TTC6: variants seen among roughly 807,000 people sequenced by gnomAD.
TTC6 encodes tetratricopeptide repeat domain 6.
TTC6 carries 172 observed loss-of-function variants against 210.4 expected under a neutral mutation model. That is an observed-to-expected ratio of 0.82 (90% CI 0.72 to 0.93). The LOEUF (loss-of-function observed/expected upper bound fraction) is 0.93, where lower values mean the gene tolerates loss of function less well. Among genes scored for constraint, TTC6 ranks in the 40% least tolerant of loss-of-function variants. The probability of loss-of-function intolerance (pLI) is 0.00; values close to 1 mark genes in which losing one functional copy is unlikely to be tolerated. For missense variants in TTC6, 2,414 were observed against 2,318.1 expected (o/e 1.04, Z -0.85); for synonymous variants, 804 against 819.6 (o/e 0.98, Z 0.32).
chr14:37,825,570 A>T (rs2139505756), intron 27 of TTC6, among the ~76,000 whole-genome samples: 1 of 152,104 alleles, frequency 6.6e-6, no homozygotes, highest in South Asian at 2.1e-4. Flanking sequence ...CTTCTCTAGG[A>T]AGCACTCTGA....
At chr14:37,759,560 T>C (rs1464914585) in intron 14 of TTC6, among the ~76,000 whole-genome samples, 2 of 152,146 alleles carry the variant, frequency 1.3e-5, no homozygotes, top group African/African-American at 4.8e-5. Flanking sequence ...TTTCGCTAGA[T>C]TGCGGTTCTC....
At chr14:37,619,016 T>G (rs925750995), upstream of TTC6, among the ~76,000 whole-genome samples, 1 of 152,156 alleles carries the variant, frequency 6.6e-6, no homozygotes, top group African/African-American at 2.4e-5. Flanking sequence ...ATAGTGTTGA[T>G]ATGAACATAT....
At chr14:37,816,738 T>C (rs2096142895) in intron 25 of TTC6, among the ~76,000 whole-genome samples, 1 of 152,152 alleles carries the variant, frequency 6.6e-6, no homozygotes, top group South Asian at 2.1e-4. Context: ...TGATATAATA[T>C]TTTGTTTTGC....
At chr14:37,631,285 AGCTCT>A (rs982985232) in intron 1 of TTC6, among the ~76,000 whole-genome samples, 2 of 151,858 alleles carry the variant, frequency 1.3e-5, no homozygotes, top group African/African-American at 4.8e-5. Context: ...TTCCTTCAGG[AGCTCT>A]AGTAAGGCAG....
At chr14:37,673,845 T>TA (rs2095763364) in intron 1 of TTC6, among the ~76,000 whole-genome samples, 1 of 152,102 alleles carries the variant, frequency 6.6e-6, no homozygotes, top group African/African-American at 2.4e-5. Context: ...TGAAACACAT[T>TA]AAAAAAGTGT....
intron 5 of TTC6, among the ~76,000 whole-genome samples, chr14:37,703,972 G>A (rs738758): frequency 1 from 151,626 of 152,300 alleles, 75,484 homozygotes; most frequent in Middle Eastern, 1. Context: ...ATAGCCTTTC[G>A]GACATCTCTT....
intron 14 of TTC6, among the ~76,000 whole-genome samples, chr14:37,763,680 A>T (rs1013987904): frequency 1.3e-5 from 2 of 151,860 alleles, no homozygotes; most frequent in African/African-American, 4.8e-5. Context: ...TTATTTTCGT[A>T]ATTTGAGTCA....
chr14:37,725,869 T>G (rs1340713865), intron 7 of TTC6, among the ~76,000 whole-genome samples: 1 of 152,196 alleles, frequency 6.6e-6, no homozygotes, highest in African/African-American at 2.4e-5. Context: ...AAACATTTAA[T>G]AATACCCAAA....
intron 8 of TTC6, 116 bp from the exon 11 acceptor site, chr14:37,737,544 C>G (rs1027967573): frequency 1.0e-5 from 5 of 491,892 alleles, no homozygotes; most frequent in Non-Finnish European, 1.7e-5. Flanking sequence ...GTATTTTAAT[C>G]AGTATTTCTG....
chr14:37,769,226 G>A (rs879500269), intron 14 of TTC6, among the ~76,000 whole-genome samples: 54 of 151,774 alleles, frequency 3.6e-4, no homozygotes, highest in Non-Finnish European at 6.3e-4. Context: ...GAGGATTTTT[G>A]CATCAATGTT....
At chr14:37,734,761 C>T (rs961008240) in intron 7 of TTC6, among the ~76,000 whole-genome samples, 2 of 152,044 alleles carry the variant, frequency 1.3e-5, no homozygotes. Context: ...CCTCTCAAGA[C>T]ACCTTAGTTT....
chr14:37,676,334 A>G (rs1466127669), intron 1 of TTC6, among the ~76,000 whole-genome samples: 1 of 151,962 alleles, frequency 6.6e-6, no homozygotes, highest in African/African-American at 2.4e-5. Context: ...GTTTTTTTCT[A>G]CCTTAAAAAC....
At chr14:37,793,290 C>T (rs1257784712) in intron 17 of TTC6, among the ~76,000 whole-genome samples, 1 of 152,198 alleles carries the variant, frequency 6.6e-6, no homozygotes, top group African/African-American at 2.4e-5. Flanking sequence ...TGCCTTTCTA[C>T]CTTTGTCTCC....
At chr14:37,702,116 G>A (rs1438328783) in intron 5 of TTC6, among the ~76,000 whole-genome samples, 1 of 152,148 alleles carries the variant, frequency 6.6e-6, no homozygotes, top group African/African-American at 2.4e-5. Context: ...TATATTCCGA[G>A]CAACTGTGCT....
At chr14:37,692,226 A>AAAAAAAAAAAAAAAAAAAAAAAAAAAAC in intron 3 of TTC6, among the ~76,000 whole-genome samples, 1 of 145,658 alleles carries the variant, frequency 6.9e-6, no homozygotes, top group Non-Finnish European at 1.5e-5. Context: ...AAAAAAAAAA[A>AAAAAAAAAAAAAAAAAAAAAAAAAAAAC]AAAAAAGAAA....
chr14:37,647,611 G>A lies in TTC6; in HGVS notation c.939+24608G>A, dbSNP rs115220148. On this transcript the variant is annotated intron_variant, in intron 1 of 30. Transcript: ENST00000553443. ...TGATTTTAGACATGTTAAGTTTGAG[G>A]TGCCTAATATACTTCCAAGTGGAGA... Among the ~76,000 whole-genome samples, 914 of 152,260 alleles carry A rather than the reference G, an allele frequency of 6.0e-3. 5 individuals are homozygous for A. The highest frequency in any genetic ancestry group is 0.016 in the African/African-American group (666 of 41,534).
chr14:37,831,013 C>T (rs1315560329), intron 29 of TTC6, among the ~76,000 whole-genome samples: 2 of 152,058 alleles, frequency 1.3e-5, no homozygotes, highest in Non-Finnish European at 2.9e-5. Flanking sequence ...CTATCAAATA[C>T]TAGAACTTAT....
At chr14:37,794,919 A>G (rs190997197) in intron 17 of TTC6, among the ~76,000 whole-genome samples, 1 of 152,238 alleles carries the variant, frequency 6.6e-6, no homozygotes, top group Non-Finnish European at 1.5e-5. Context: ...GTTTGCTGAA[A>G]AAGTTGTTAG....
intron 6 of TTC6, among the ~76,000 whole-genome samples, chr14:37,723,538 C>G (rs895118603): frequency 3.3e-5 from 5 of 152,200 alleles, no homozygotes; most frequent in Non-Finnish European, 5.9e-5. Flanking sequence ...TACTGCACTT[C>G]TACTCCAGCA....
Sources: gnomAD v4.1 joint callset for allele counts (sites outside exome capture counted in the v4.1 genomes callset) on GRCh38, gnomAD v4.1.1 for gene constraint, MANE v1.5 for transcripts, NCBI Gene and HGNC (gene_info 2026-07-23, HGNC 2026-07-21) for gene names.